Variants in LRRC40 observed in about 807,000 individuals in gnomAD.
The protein encoded by LRRC40 is leucine rich repeat containing 40.
In LRRC40, 76 loss-of-function variants were observed where a neutral mutation model predicts 72.8. The ratio of observed to expected loss-of-function variants is 1.04; its 90% CI spans 0.87 to 1.26. The LOEUF (loss-of-function observed/expected upper bound fraction) is 1.26, where lower values mean the gene tolerates loss of function less well. LRRC40 is among the 50% of genes most tolerant of loss of function. The pLI is 0.00. For synonymous variants in LRRC40, 243 were observed against 254.2 expected, an observed-to-expected ratio of 0.96 and a Z score of 0.42; for missense variants, 684 against 698.9, an observed-to-expected ratio of 0.98 and a Z score of 0.24.
Position 70,159,333 on chromosome 1 carries a change from T to C in LRRC40, c.1217A>G (p.Tyr406Cys), listed in dbSNP as rs746895976. 3.0e-6 allele frequency: 4 copies of C among 1,322,986 alleles called. No homozygotes were observed. The highest frequency in any genetic ancestry group is 3.5e-5 in the Admixed American group (2 of 57,246). The allele number at this position is 1,322,986 out of a possible 1,614,324, so 82.0% of individuals were successfully genotyped here. A position where few individuals can be genotyped will look rare whatever the true frequency, so the allele number is the denominator to read the frequency against. Residue 406 changes from tyrosine to cysteine, a missense_variant, in exon 10 of 15, where the codon TAT (tyrosine) becomes TGT (cysteine). Physicochemically the swap from Tyr to Cys is radical, Grantham distance 194. Transcript: ENST00000370952. ...HAIITLKILD[Y>C]SDKQATLIPD... ...AAAATAATAATAAATTACATACCTA[T>C]AGTCTAATATTTTTAATGTAATGAT... is the stretch of plus-strand genomic sequence containing the variant.
At position 70,187,205 on chromosome 1, in the gene LRRC40, G is replaced by A. The variant is rs531701864; in HGVS notation, c.407+60C>T. On this transcript the variant is annotated intron_variant, in intron 3 of 14. Coordinates refer to ENST00000370952, the MANE Select transcript of LRRC40 (RefSeq NM_017768.5). ...ATTTTTAATGTTGAGAAAATTTAAA[G>A]AATATTAGATTTAAACCATTATAAG... 9.5e-5 allele frequency: 74 copies of A among 774,976 alleles called. No individual in the cohort carries two copies. The African/African-American group carries it at 1.3e-3, about 13-fold the overall frequency. The allele number at this position is 774,976 out of a possible 1,614,324, so 48.0% of individuals were successfully genotyped here.
At chr1:70,203,772 C>T (rs890125514) in intron 1 of LRRC40, among the ~76,000 whole-genome samples, 10 of 152,164 alleles carry the variant, frequency 6.6e-5, no homozygotes, top group African/African-American at 2.4e-4. Context: ...ATAAGAAGCA[C>T]GACCCCGTAA....
At chr1:70,160,097 A>T (rs1667724632) in intron 9 of LRRC40, among the ~76,000 whole-genome samples, 1 of 152,176 alleles carries the variant, frequency 6.6e-6, no homozygotes, top group Non-Finnish European at 1.5e-5. Flanking sequence ...TTAAATACAC[A>T]TTTTAAAAGA....
intron 1 of LRRC40, among the ~76,000 whole-genome samples, chr1:70,200,300 T>C (rs1668707917): frequency 6.6e-6 from 1 of 152,030 alleles, no homozygotes; most frequent in African/African-American, 2.4e-5. Flanking sequence ...ACCCCATCTC[T>C]GCGAAAAATT....
chr1:70,165,628 A>C (rs1432965863), intron 9 of LRRC40, among the ~76,000 whole-genome samples: 1 of 152,098 alleles, frequency 6.6e-6, no homozygotes, highest in Admixed American at 6.5e-5. Flanking sequence ...TCTACCTCTA[A>C]AACTGAGAAA....
chr1:70,156,420 C>T (rs911515307), intron 10 of LRRC40, among the ~76,000 whole-genome samples: 1 of 151,982 alleles, frequency 6.6e-6, no homozygotes, highest in African/African-American at 2.4e-5. Context: ...TATAACTTAC[C>T]TCCCCTGAAT....
At chr1:70,163,952 C>G (rs963303582) in intron 9 of LRRC40, among the ~76,000 whole-genome samples, 11 of 152,048 alleles carry the variant, frequency 7.2e-5, no homozygotes, top group Admixed American at 2.6e-4. Flanking sequence ...ATTTATTTCT[C>G]ACAATTGTGA....
chr1:70,202,381 A>T (rs1173768106), intron 1 of LRRC40, among the ~76,000 whole-genome samples: 2 of 152,250 alleles, frequency 1.3e-5, no homozygotes, highest in African/African-American at 4.8e-5. Flanking sequence ...GTCATCAAAA[A>T]TACATGGATG....
At chr1:70,199,215 TCACACACACACACACACA>T (rs3223615) in intron 1 of LRRC40, among the ~76,000 whole-genome samples, 2 of 140,518 alleles carry the variant, frequency 1.4e-5, no homozygotes, top group South Asian at 4.8e-4. Flanking sequence ...ATACATAGTC[TCACACACACACACACACA>T]CACACACACA....
intron 1 of LRRC40, among the ~76,000 whole-genome samples, chr1:70,194,419 C>T (rs190555655): frequency 6.6e-6 from 1 of 152,120 alleles, no homozygotes; most frequent in African/African-American, 2.4e-5. Flanking sequence ...CAAAACATTG[C>T]TGTGAAAACT....
chr1:70,175,458 G>C (rs1178179045), intron 7 of LRRC40, among the ~76,000 whole-genome samples: 2 of 152,068 alleles, frequency 1.3e-5, no homozygotes, highest in Non-Finnish European at 2.9e-5. Flanking sequence ...ACCCATATTT[G>C]GGAAACAGTG....
At chr1:70,172,106 A>AT (rs1403623179) in intron 9 of LRRC40, among the ~76,000 whole-genome samples, 2 of 152,132 alleles carry the variant, frequency 1.3e-5, no homozygotes, top group Non-Finnish European at 2.9e-5. Flanking sequence ...ATGAACGGGA[A>AT]TAGTGCCCTT....
intron 14 of LRRC40, chr1:70,147,928 C>T (rs1667351099): frequency 1.3e-5 from 2 of 152,080 alleles, no homozygotes; most frequent in Admixed American, 6.6e-5. Flanking sequence ...ACCCAAAAAT[C>T]GTACAAATAA....
chr1:70,151,053 T>C, intron 13 of LRRC40, 75 bp downstream of exon 13: 1 of 803,098 alleles, frequency 1.2e-6, no homozygotes, highest in Non-Finnish European at 2.0e-6. Flanking sequence ...TTTGTTTTTT[T>C]GGCTTTTGTT....
At chr1:70,203,859 A>G (rs924813989) in intron 1 of LRRC40, among the ~76,000 whole-genome samples, 1 of 150,078 alleles carries the variant, frequency 6.7e-6, no homozygotes, top group Non-Finnish European at 1.5e-5. Context: ...TGAGGGCTAC[A>G]TACAGCCAGA....
chr1:70,186,567 T>C (rs1227241055), intron 3 of LRRC40, among the ~76,000 whole-genome samples: 1 of 152,220 alleles, frequency 6.6e-6, no homozygotes, highest in Admixed American at 6.5e-5. Context: ...TGTAACCGTA[T>C]CTATTTTATA....
chr1:70,167,230 TAAA>T (rs376215808), intron 9 of LRRC40, among the ~76,000 whole-genome samples: 2 of 126,926 alleles, frequency 1.6e-5, no homozygotes, highest in Admixed American at 7.7e-5. Context: ...TAAAAAGTGT[TAAA>T]AAAAAAAAAA....
chr1:70,179,053 A>G, intron 5 of LRRC40, 60 bp from the exon 6 acceptor site: 14 of 1,066,486 alleles, frequency 1.3e-5, no homozygotes, highest in Non-Finnish European at 1.8e-5. Context: ...TTCTGATCGT[A>G]TACAACTTTA....
chr1:70,191,642 G>A (rs890889849), intron 1 of LRRC40, among the ~76,000 whole-genome samples: 2 of 151,910 alleles, frequency 1.3e-5, no homozygotes, highest in African/African-American at 2.4e-5. Context: ...TTCTTCCAGA[G>A]CTTACAGCAT....
Sources: allele counts gnomAD v4.1 joint callset (sites outside exome capture counted in the v4.1 genomes callset), GRCh38; gene constraint gnomAD v4.1.1; transcripts MANE v1.5; gene names NCBI Gene and HGNC (gene_info 2026-07-23, HGNC 2026-07-21).